The following RMDN2 variants were observed in gnomAD, a reference collection of about 807,000 sequenced individuals.
RMDN2 encodes the protein regulator of microtubule dynamics protein 2.
In RMDN2, 61 loss-of-function variants were observed where a neutral mutation model predicts 52.8. The observed-to-expected ratio is 1.16, with a 90% CI of 0.94 to 1.43. The LOEUF is 1.43. Ranked by LOEUF, RMDN2 falls within the 40% of genes most tolerant of loss-of-function variation. The probability of loss-of-function intolerance (pLI) is 0.00; values close to 1 mark genes in which losing one functional copy is unlikely to be tolerated. For synonymous variants in RMDN2, 180 were observed against 153.1 expected, an observed-to-expected ratio of 1.18 and a Z score of -1.30; for missense variants, 592 against 475.3, an observed-to-expected ratio of 1.25 and a Z score of -2.28.
chr2:38,044,895 C>G (rs965200134), intron 10 of RMDN2, among the ~76,000 whole-genome samples: 33 of 152,026 alleles, frequency 2.2e-4, no homozygotes, highest in Admixed American at 7.9e-4. Context: ...AAACCCTAAT[C>G]CTAGTATAAT....
intron 4 of RMDN2, among the ~76,000 whole-genome samples, chr2:37,980,976 G>A (rs564670721): frequency 4.6e-5 from 7 of 152,256 alleles, no homozygotes; most frequent in Admixed American, 1.3e-4. Flanking sequence ...TTTCTATTAC[G>A]CTTTGTAAGC....
chr2:37,969,832 G>C (rs921513567), intron 2 of RMDN2, among the ~76,000 whole-genome samples: 8 of 151,788 alleles, frequency 5.3e-5, no homozygotes, highest in Non-Finnish European at 1.2e-4. Flanking sequence ...GGTTTGAAAG[G>C]CTCCTCCCTC....
chr2:37,929,360 A>G lies in RMDN2; in HGVS notation c.83A>G (p.His28Arg), dbSNP rs758440335. The G allele has an allele frequency of 2.6e-6, 4 of 1,551,862 alleles. No individual in the cohort carries two copies. The Admixed American group carries it at 5.9e-5, about 23-fold the overall frequency. ...ATCAGCTTGCTGCTCTTGTGGTACC[A>G]CAAGGTCCGTAAACCAGGGATAGCA... The part of the protein sequence containing the change: ...AGISLLLLWY[H>R]KVRKPGIAMK... The change falls in exon 2 of 11, where the codon CAC becomes CGC. Residue 28 changes from histidine to arginine, a missense_variant. By Grantham distance (29) the His-to-Arg change is conservative. Coordinates refer to ENST00000354545, the MANE Select transcript of RMDN2 (RefSeq NM_001170791.3).
At chr2:37,950,436 C>T (rs540921829) in intron 2 of RMDN2, 1 of 1,608,246 alleles carries the variant, frequency 6.2e-7, no homozygotes, top group African/African-American at 1.3e-5. Context: ...GCTGTCATCA[C>T]ATTCTGTGTT....
chr2:38,000,312 C>T (rs1038896467), intron 8 of RMDN2, among the ~76,000 whole-genome samples: 1 of 152,212 alleles, frequency 6.6e-6, no homozygotes, highest in African/African-American at 2.4e-5. Flanking sequence ...ATGACCCAGA[C>T]TCATTGTTTC....
chr2:38,002,114 C>A (rs1336660256), intron 8 of RMDN2, among the ~76,000 whole-genome samples: 1 of 152,166 alleles, frequency 6.6e-6, no homozygotes, highest in African/African-American at 2.4e-5. Context: ...CTTTTGGATT[C>A]TGTACAGAAT....
intron 10 of RMDN2, among the ~76,000 whole-genome samples, chr2:38,033,724 A>G (rs529554939): frequency 6.6e-6 from 1 of 152,336 alleles, no homozygotes; most frequent in African/African-American, 2.4e-5. Context: ...ATTAAGAGAG[A>G]AAATTTGAGA....
Position 37,977,296 on chromosome 2 carries a change from C to G in RMDN2, c.730+1982C>G, listed in dbSNP as rs531521791. Among the ~76,000 whole-genome samples, 7 of 152,366 alleles carry G rather than the reference C, an allele frequency of 4.6e-5. No individual in the cohort carries two copies. The East Asian group carries it at 9.6e-4, about 21-fold the overall frequency. ...CTCTTTCTTTTCCCCACATTTCCCC[C>G]TTTTCTATTCGACAAAACCGCCATC... On this transcript the variant is annotated intron_variant, in intron 4 of 10. Coordinates refer to ENST00000354545, the MANE Select transcript of RMDN2 (RefSeq NM_001170791.3).
At chr2:37,982,071 T>A (rs1166235763) in intron 5 of RMDN2, among the ~76,000 whole-genome samples, 1 of 152,148 alleles carries the variant, frequency 6.6e-6, no homozygotes. Flanking sequence ...GACCCTTTCT[T>A]CAGCCCTAAG....
At chr2:37,933,271 G>A (rs556476028) in intron 2 of RMDN2, among the ~76,000 whole-genome samples, 5 of 151,814 alleles carry the variant, frequency 3.3e-5, no homozygotes, top group South Asian at 4.2e-4. Flanking sequence ...GGGCAGAGAC[G>A]CTCCTCACTT....
chr2:38,009,263 T>C (rs528210979), intron 10 of RMDN2, among the ~76,000 whole-genome samples: 42 of 152,350 alleles, frequency 2.8e-4, no homozygotes, highest in African/African-American at 8.9e-4. Context: ...CTTTGCTAGA[T>C]TGGGGAAGTT....
At chr2:37,975,108 C>A (rs1672292013) in intron 3 of RMDN2, 104 bp from the exon 4 acceptor site, 6 of 697,270 alleles carry the variant, frequency 8.6e-6, no homozygotes, top group South Asian at 8.1e-5. Context: ...TCTATAAATA[C>A]CAGTTTACCT....
chr2:38,008,801 G>A (rs578148249), intron 10 of RMDN2, among the ~76,000 whole-genome samples: 42 of 152,280 alleles, frequency 2.8e-4, no homozygotes, highest in Non-Finnish European at 3.8e-4. Context: ...TCCTAGCCTC[G>A]ATGGTCTTTA....
chr2:37,925,223 A>G (rs1666166691), upstream of RMDN2: 1 of 152,162 alleles, frequency 6.6e-6, no homozygotes, highest in African/African-American at 2.4e-5. Context: ...ACCCACCACG[A>G]GAGGGAGAGG....
intron 5 of RMDN2, among the ~76,000 whole-genome samples, chr2:37,984,139 C>T (rs1673682400): frequency 6.6e-6 from 1 of 152,132 alleles, no homozygotes; most frequent in African/African-American, 2.4e-5. Flanking sequence ...AAATACAGAT[C>T]ATTCTAATGA....
Position 38,017,661 on chromosome 2 carries a change from AG to A in RMDN2, c.*424del, listed in dbSNP as rs1678989180. On this transcript the variant is annotated 3_prime_UTR_variant, in exon 11 of 11. Transcript: ENST00000354545. ...GACATGAACAAGTTGTTGGCAGAAGAGGAAAAACAAACAAATGTAGTATTGT... is the reference window on the plus strand; with the variant it reads ...GACATGAACAAGTTGTTGGCAGAAGAGAAAAACAAACAAATGTAGTATTGT... 6.3e-6 allele frequency: 5 copies of A among 799,348 alleles called. No homozygotes were observed. Among genetic ancestry groups the A allele is most frequent in the Non-Finnish European group, 8.9e-6 (5 of 563,328 alleles). 49.5% of individuals were successfully genotyped at this position (799,348 alleles called of 1,614,324 possible). A position where few individuals can be genotyped will look rare whatever the true frequency, so the allele number is the denominator to read the frequency against.
intron 2 of RMDN2, among the ~76,000 whole-genome samples, chr2:37,960,504 C>T (rs1670067535): frequency 6.6e-6 from 1 of 152,002 alleles, no homozygotes; most frequent in African/African-American, 2.4e-5. Context: ...ATAAATATTC[C>T]TCCATCCCAT....
chr2:37,969,291 A>G (rs1296446587), intron 2 of RMDN2, among the ~76,000 whole-genome samples: 1 of 152,032 alleles, frequency 6.6e-6, no homozygotes, highest in African/African-American at 2.4e-5. Context: ...TTAAAAGTAT[A>G]AATTAATGTG....
chr2:38,032,904 G>A (rs1205774052), intron 10 of RMDN2: 1 of 152,132 alleles, frequency 6.6e-6, no homozygotes, highest in African/African-American at 2.4e-5. Context: ...TTGGGTTGGG[G>A]GCAGGGGAGG....
Sources: gnomAD v4.1 joint callset for allele counts (sites outside exome capture counted in the v4.1 genomes callset) on GRCh38, gnomAD v4.1.1 for gene constraint, MANE v1.5 for transcripts, NCBI Gene and HGNC (gene_info 2026-07-23, HGNC 2026-07-21) for gene names.